Variants in NOS1AP observed in about 807,000 individuals in gnomAD.
NOS1AP encodes carboxyl-terminal PDZ ligand of neuronal nitric oxide synthase protein.
Under a neutral mutation model 56.2 loss-of-function variants are expected in NOS1AP, and 21 were observed. That is an observed-to-expected ratio of 0.37 (90% CI 0.26 to 0.54). NOS1AP has a LOEUF of 0.54. Among genes scored for constraint, NOS1AP ranks in the 20% least tolerant of loss-of-function variants. NOS1AP has a pLI of 0.84. For missense variants in NOS1AP, 522 were observed against 657.8 expected (o/e 0.79, Z 2.26); for synonymous variants, 270 against 274.6 (o/e 0.98, Z 0.17).
intron 1 of NOS1AP, among the ~76,000 whole-genome samples, chr1:162,130,916 C>T (rs902637133): frequency 4.6e-5 from 7 of 152,130 alleles, no homozygotes; most frequent in African/African-American, 1.7e-4. Flanking sequence ...CCAGATTTGG[C>T]ATCTACAAAT....
At chr1:162,358,334 C>T (rs779660824) in intron 8 of NOS1AP, among the ~76,000 whole-genome samples, 36 of 152,158 alleles carry the variant, frequency 2.4e-4, no homozygotes, top group Non-Finnish European at 4.1e-4. Flanking sequence ...TCTTGTAACA[C>T]GGTCTCTCCT....
At chr1:162,193,566 C>T (rs556047183) in intron 2 of NOS1AP, among the ~76,000 whole-genome samples, 4 of 152,262 alleles carry the variant, frequency 2.6e-5, no homozygotes, top group East Asian at 3.9e-4. Flanking sequence ...GCTTCCTTTT[C>T]GCCTTGACCA....
At position 162,337,719 on chromosome 1, in the gene NOS1AP, T is replaced by C. The variant is rs567550519; in HGVS notation, c.453+4594T>C. On this transcript the variant is annotated intron_variant, in intron 5 of 9. Transcript: ENST00000361897. Reference sequence around the variant, plus strand: ...GTAGAAGGAAAAACACAGCTATCTGTTGGAAACTTTAAGATGCAGTATGTC... The same window carrying C: ...GTAGAAGGAAAAACACAGCTATCTGCTGGAAACTTTAAGATGCAGTATGTC... 2.6e-5 allele frequency among the ~76,000 whole-genome samples: 4 copies of C among 152,328 alleles called. No homozygotes were observed. The South Asian group carries it at 6.2e-4, about 24-fold the overall frequency.
At chr1:162,154,558 C>G (rs1015506969) in intron 2 of NOS1AP, 82 bp downstream of exon 2, 23 of 1,313,996 alleles carry the variant, frequency 1.8e-5, no homozygotes, top group Admixed American at 5.3e-5. Flanking sequence ...CTGGAGGGGC[C>G]AAAATGGATG....
intron 2 of NOS1AP, among the ~76,000 whole-genome samples, chr1:162,201,177 T>C (rs2102166561): frequency 6.6e-6 from 1 of 152,326 alleles, no homozygotes; most frequent in East Asian, 1.9e-4. Context: ...TCTGTTCCTG[T>C]GTTTGTTTGC....
intron 2 of NOS1AP, among the ~76,000 whole-genome samples, chr1:162,156,750 G>C (rs371990793): frequency 1.2e-3 from 180 of 152,058 alleles, no homozygotes; most frequent in African/African-American, 4.1e-3. Flanking sequence ...TTTTAATATT[G>C]AAATAATATT....
intron 1 of NOS1AP, among the ~76,000 whole-genome samples, chr1:162,137,264 C>A (rs1649044363): frequency 6.6e-6 from 1 of 152,230 alleles, no homozygotes; most frequent in South Asian, 2.1e-4. Flanking sequence ...AGCCTCTCAG[C>A]CACATTGATA....
intron 7 of NOS1AP, among the ~76,000 whole-genome samples, chr1:162,355,813 C>T (rs942146865): frequency 6.6e-6 from 1 of 152,124 alleles, no homozygotes; most frequent in African/African-American, 2.4e-5. Context: ...GAAGTTGGCC[C>T]ACTGGATGTC....
chr1:162,357,323 T>C (rs940487392), intron 8 of NOS1AP, 187 bp downstream of exon 8: 19 of 1,144,554 alleles, frequency 1.7e-5, no homozygotes, highest in Non-Finnish European at 2.2e-5. Context: ...GCAGTTGAAA[T>C]GGAGAGGCAC....
chr1:162,185,742 A>G (rs55990964), intron 2 of NOS1AP, among the ~76,000 whole-genome samples: 1,605 of 152,346 alleles, frequency 0.011, 16 homozygotes, highest in Non-Finnish European at 0.018. Context: ...TTACAATATT[A>G]AAGCCAAATA....
intron 2 of NOS1AP, among the ~76,000 whole-genome samples, chr1:162,187,435 T>C (rs1033767997): frequency 2.6e-5 from 4 of 152,252 alleles, no homozygotes; most frequent in Non-Finnish European, 5.9e-5. Context: ...TTTAGCTTGT[T>C]TCTAGTTTCT....
At chr1:162,133,283 C>G (rs940984919) in intron 1 of NOS1AP, among the ~76,000 whole-genome samples, 1 of 152,192 alleles carries the variant, frequency 6.6e-6, no homozygotes, top group Non-Finnish European at 1.5e-5. Context: ...CCTAAGTTGC[C>G]TCAGAAGATC....
At chr1:162,287,928 T>C (rs1571192307) in intron 3 of NOS1AP, among the ~76,000 whole-genome samples, 1 of 152,128 alleles carries the variant, frequency 6.6e-6, no homozygotes, top group African/African-American at 2.4e-5. Context: ...ATTTACATCG[T>C]CCCTCAAGAC....
Position 162,100,832 on chromosome 1 carries a change from A to G in NOS1AP, c.105+30550A>G, listed in dbSNP as rs116115456. 8.6e-3 allele frequency among the ~76,000 whole-genome samples: 1,304 copies of G among 152,212 alleles called. 12 individuals are homozygous for G. Among genetic ancestry groups the G allele is most frequent in the South Asian group, 0.022 (108 of 4,818 alleles). ...TTTAAGTTCCTCATAGACTCTGGATATTAGATCTTTGTCAGATGAATAGAT... is the reference window on the plus strand; with the variant it reads ...TTTAAGTTCCTCATAGACTCTGGATGTTAGATCTTTGTCAGATGAATAGAT... On this transcript the variant is annotated intron_variant, in intron 1 of 9. Coordinates refer to ENST00000361897, the MANE Select transcript of NOS1AP (RefSeq NM_014697.3).
rs1360675656 is a variant in NOS1AP at position 162,357,103 on chromosome 1, G to A, written c.906G>A (p.Gln302=). The A allele has an allele frequency of 1.1e-5, 17 of 1,608,946 alleles. No individual in the cohort carries two copies. Among genetic ancestry groups the A allele is most frequent in the Non-Finnish European group, 1.4e-5 (17 of 1,179,490 alleles). Residue 302 remains glutamine, a synonymous_variant, in exon 8 of 10, where the codon CAG becomes CAA. Transcript: ENST00000361897. ...QMQLLQQLLQ[Q]QQQQTQVAVA... Reference sequence around the variant, plus strand: ...AGCTCCTCCAGCAGCTCCTCCAGCAGCAGCAGCAGCAGACACAAGTGGCTG... The same window carrying A: ...AGCTCCTCCAGCAGCTCCTCCAGCAACAGCAGCAGCAGACACAAGTGGCTG...
intron 2 of NOS1AP, among the ~76,000 whole-genome samples, chr1:162,241,853 A>G (rs1653498498): frequency 6.6e-6 from 1 of 152,240 alleles, no homozygotes; most frequent in South Asian, 2.1e-4. Context: ...GGCTGGCTGC[A>G]TGGTGCCATC....
At chr1:162,190,358 A>C (rs1052934485) in intron 2 of NOS1AP, among the ~76,000 whole-genome samples, 7 of 44,886 alleles carry the variant, frequency 1.6e-4, no homozygotes, top group African/African-American at 1.3e-3. Context: ...ATTTTTTTTA[A>C]ATTTTATTTT....
chr1:162,221,085 G>A (rs1055069938), intron 2 of NOS1AP, among the ~76,000 whole-genome samples: 3 of 152,178 alleles, frequency 2.0e-5, no homozygotes, highest in Non-Finnish European at 2.9e-5. Flanking sequence ...GGGACTGCAG[G>A]CATGGACCAC....
intron 1 of NOS1AP, among the ~76,000 whole-genome samples, chr1:162,080,700 C>T (rs1691865964): frequency 6.6e-6 from 1 of 152,312 alleles, no homozygotes. Context: ...TCTGTGTGTG[C>T]ATTGCTTGTC....
Sources: gnomAD v4.1 joint callset for allele counts (sites outside exome capture counted in the v4.1 genomes callset) on GRCh38, gnomAD v4.1.1 for gene constraint, MANE v1.5 for transcripts, NCBI Gene and HGNC (gene_info 2026-07-23, HGNC 2026-07-21) for gene names.